The following ZC3H12C variants were observed in gnomAD, a reference collection of about 807,000 sequenced individuals.
The protein encoded by ZC3H12C is probable ribonuclease ZC3H12C.
Under a neutral mutation model 76.3 loss-of-function variants are expected in ZC3H12C, and 20 were observed. The ratio of observed to expected loss-of-function variants is 0.26; its 90% CI spans 0.18 to 0.38. The LOEUF (loss-of-function observed/expected upper bound fraction) is 0.38. Among genes scored for constraint, ZC3H12C ranks in the 10% least tolerant of loss-of-function variants. The pLI is 1.00. For synonymous variants in ZC3H12C, 352 were observed against 399.6 expected (o/e 0.88, Z 1.42); for missense variants, 874 against 1,086.5 (o/e 0.80, Z 2.75).
chr11:110,110,636 A>G (rs1434753431), intron 1 of ZC3H12C, among the ~76,000 whole-genome samples: 2 of 152,184 alleles, frequency 1.3e-5, no homozygotes, highest in Admixed American at 1.3e-4. Context: ...CTGTAAGACA[A>G]TGAACAGACA....
intron 4 of ZC3H12C, among the ~76,000 whole-genome samples, chr11:110,161,595 G>T (rs1352868152): frequency 2.0e-5 from 3 of 152,140 alleles, no homozygotes; most frequent in Non-Finnish European, 4.4e-5. Context: ...TGCTATTAAA[G>T]AGGCACTGAT....
Position 110,165,827 on chromosome 11 carries a change from C to G in ZC3H12C, c.*90C>G, listed in dbSNP as rs1237344458. 1 of 1,222,226 alleles carries G rather than the reference C, an allele frequency of 8.2e-7. No individual in the cohort carries two copies. The highest frequency in any genetic ancestry group is 1.1e-6 in the Non-Finnish European group (1 of 888,028). 75.7% of individuals were successfully genotyped at this position (1,222,226 alleles called of 1,614,324 possible). A position where few individuals can be genotyped will look rare whatever the true frequency, so the allele number is the denominator to read the frequency against. ...CTACAATAGCACATGTGATCTCCTT[C>G]TCAGCAAGGAGGTTATATAGTATCC... On this transcript the variant is annotated 3_prime_UTR_variant, in exon 6 of 6. Coordinates refer to ENST00000278590, the MANE Select transcript of ZC3H12C (RefSeq NM_033390.2).
intron 1 of ZC3H12C, among the ~76,000 whole-genome samples, chr11:110,126,570 A>T (rs575803162): frequency 3.3e-5 from 5 of 152,180 alleles, no homozygotes; most frequent in African/African-American, 4.8e-5. Flanking sequence ...ATGGCTATGG[A>T]GGTAACTATA....
chr11:110,146,047 C>T (rs1208090744), intron 2 of ZC3H12C, among the ~76,000 whole-genome samples: 3 of 152,126 alleles, frequency 2.0e-5, no homozygotes, highest in Non-Finnish European at 1.5e-5. Context: ...AGTGCTGTGG[C>T]GCGATCTCGG....
chr11:110,143,712 CG>C (rs1862109967), intron 2 of ZC3H12C, among the ~76,000 whole-genome samples: 1 of 152,062 alleles, frequency 6.6e-6, no homozygotes, highest in Non-Finnish European at 1.5e-5. Context: ...TGTATAAAGA[CG>C]GGGTCTTGCT....
chr11:110,112,291 C>T (rs1013400655), intron 1 of ZC3H12C, among the ~76,000 whole-genome samples: 4 of 152,134 alleles, frequency 2.6e-5, no homozygotes, highest in East Asian at 1.9e-4. Flanking sequence ...CTTGACTTCC[C>T]GGGCTCAAGC....
At chr11:110,150,479 T>G (rs1162160663) in intron 2 of ZC3H12C, among the ~76,000 whole-genome samples, 1 of 152,060 alleles carries the variant, frequency 6.6e-6, no homozygotes, top group Non-Finnish European at 1.5e-5. Flanking sequence ...GCAACACTAA[T>G]TTTTTAACAA....
chr11:110,146,542 G>A (rs989660665), intron 2 of ZC3H12C, among the ~76,000 whole-genome samples: 3 of 152,162 alleles, frequency 2.0e-5, no homozygotes, highest in African/African-American at 7.2e-5. Context: ...TCATAGTTGG[G>A]TTGCATCTCT....
intron 1 of ZC3H12C, chr11:110,131,475 A>G (rs1013859693): frequency 1.3e-5 from 3 of 224,644 alleles, no homozygotes; most frequent in African/African-American, 7.0e-5. Context: ...TCACTGTCGT[A>G]CCCAGGTGCT....
Position 110,152,935 on chromosome 11 carries a change from G to A in ZC3H12C, c.790G>A (p.Val264Ile). ...NVAMSHGNKE[V>I]FSCRGIKLAV... ...ATCTTTCAGCCATGGAAACAAAGAA[G>A]TATTTTCCTGCAGAGGAATAAAATT... Residue 264 changes from valine to isoleucine, a missense_variant, in exon 3 of 6, where the codon GTA becomes ATA. Val to Ile is a conservative substitution (Grantham distance 29). Coordinates refer to ENST00000278590, the MANE Select transcript of ZC3H12C (RefSeq NM_033390.2). 6.2e-7 allele frequency: 1 copy of A among 1,612,442 alleles called. No individual in the cohort carries two copies. The highest frequency in any genetic ancestry group is 8.5e-7 in the Non-Finnish European group (1 of 1,179,198).
chr11:110,126,216 C>CTTT (rs56199067), intron 1 of ZC3H12C, among the ~76,000 whole-genome samples: 20 of 86,232 alleles, frequency 2.3e-4, no homozygotes, highest in East Asian at 3.2e-4. Flanking sequence ...TTGTTTTCTT[C>CTTT]TTTTTTTTTT....
intron 3 of ZC3H12C, among the ~76,000 whole-genome samples, chr11:110,153,883 G>A (rs944800839): frequency 1.3e-5 from 2 of 152,216 alleles, no homozygotes; most frequent in Non-Finnish European, 2.9e-5. Context: ...GATGTCCTCT[G>A]TAACTGTTAA....
At chr11:110,110,152 T>C (rs1861401577) in intron 1 of ZC3H12C, among the ~76,000 whole-genome samples, 1 of 152,130 alleles carries the variant, frequency 6.6e-6, no homozygotes, top group South Asian at 2.1e-4. Context: ...TTAAGGCCTG[T>C]GGATAGGAGA....
chr11:110,124,544 T>C (rs1861705704), intron 1 of ZC3H12C, among the ~76,000 whole-genome samples: 1 of 152,154 alleles, frequency 6.6e-6, no homozygotes, highest in South Asian at 2.1e-4. Flanking sequence ...TTTGAAGGAA[T>C]TGGAAAGCAA....
chr11:110,117,906 CAT>C lies in ZC3H12C; in HGVS notation c.22-18750_22-18749del, dbSNP rs1225569167. Among the ~76,000 whole-genome samples the C allele has an allele frequency of 1.7e-4, 18 of 107,440 alleles. 1 individual carries two copies. The highest frequency in any genetic ancestry group is 4.2e-4 in the Admixed American group (4 of 9,540). 70.5% of individuals were successfully genotyped at this position (107,440 alleles called of 152,430 possible). ...TATATATTATATATATACACACACA[CAT>C]ATATATTATATATATACACACACAC... is the stretch of plus-strand genomic sequence containing the variant. On this transcript the variant is annotated intron_variant, in intron 1 of 5. Coordinates refer to ENST00000278590, the MANE Select transcript of ZC3H12C (RefSeq NM_033390.2).
intron 4 of ZC3H12C, among the ~76,000 whole-genome samples, chr11:110,160,249 C>T (rs570870409): frequency 9.3e-4 from 142 of 152,246 alleles, no homozygotes; most frequent in African/African-American, 2.5e-3. Flanking sequence ...TGAATGTGAA[C>T]GGCTAGGACA....
chr11:110,155,428 C>T lies in ZC3H12C; in HGVS notation c.913+2370C>T, dbSNP rs534269699. ...TAGTTGGTCTTAAAATGTTAATATT[C>T]TTGGATCCACTAGTTCCCCTTCTAA... On this transcript the variant is annotated intron_variant, in intron 3 of 5. Coordinates refer to ENST00000278590, the MANE Select transcript of ZC3H12C (RefSeq NM_033390.2). Among the ~76,000 whole-genome samples the T allele has an allele frequency of 3.8e-4, 57 of 151,998 alleles. No individual in the cohort carries two copies. The South Asian group carries it at 8.1e-3, about 22-fold the overall frequency.
At chr11:110,127,893 C>T (rs1216999283) in intron 1 of ZC3H12C, among the ~76,000 whole-genome samples, 1 of 74,852 alleles carries the variant, frequency 1.3e-5, no homozygotes, top group Non-Finnish European at 2.7e-5. Flanking sequence ...GAGACTTACT[C>T]TCAAAAAAAA....
intron 2 of ZC3H12C, among the ~76,000 whole-genome samples, chr11:110,147,740 C>G (rs7358466): frequency 0.28 from 43,180 of 151,968 alleles, 6,527 homozygotes; most frequent in East Asian, 0.59. Flanking sequence ...AAGTTACCAA[C>G]GCAACCATTT....
Sources: allele counts gnomAD v4.1 joint callset (sites outside exome capture counted in the v4.1 genomes callset), GRCh38; gene constraint gnomAD v4.1.1; transcripts MANE v1.5; gene names NCBI Gene and HGNC (gene_info 2026-07-23, HGNC 2026-07-21).